Variants in TULP3 observed in about 807,000 individuals in gnomAD.
TULP3 encodes tubby-related protein 3.
TULP3 carries 38 observed loss-of-function variants against 50.7 expected under a neutral mutation model. The ratio of observed to expected loss-of-function variants is 0.75; its 90% confidence interval spans 0.58 to 0.98. TULP3 has a LOEUF of 0.98. TULP3 is among the 50% of genes least tolerant of loss of function. TULP3 has a pLI of 0.00. For synonymous variants in TULP3, 183 were observed against 196.6 expected (o/e 0.93, Z 0.58); for missense variants, 550 against 568.0 (o/e 0.97, Z 0.32).
In TULP3 at chr12:2,938,141, C is replaced by A; in HGVS notation, c.1051C>A (p.Gln351Lys). ...CCATGACAGTTTGCTCTCAAGGTGGCAGAACAGAACTATGGAAAATCTGGT... is the reference window on the plus strand; with the variant it reads ...CCATGACAGTTTGCTCTCAAGGTGGAAGAACAGAACTATGGAAAATCTGGT... ...NNHDSLLSRW[Q>K]NRTMENLVEL... Residue 351 changes from glutamine (Q) to lysine (K), a missense_variant, in exon 10 of 11, where the codon CAG (glutamine) becomes AAG (lysine). By Grantham distance (53) the Gln-to-Lys change is moderately conservative. Coordinates refer to ENST00000448120, the MANE Select transcript of TULP3 (RefSeq NM_003324.5). 6.2e-7 allele frequency: 1 copy of A among 1,614,122 alleles called. No individual in the cohort carries two copies. Among genetic ancestry groups the A allele is most frequent in the Non-Finnish European group, 8.5e-7 (1 of 1,180,018 alleles).
At chr12:2,920,479 G>A (rs2098191004) in intron 2 of TULP3, among the ~76,000 whole-genome samples, 1 of 151,854 alleles carries the variant, frequency 6.6e-6, no homozygotes, top group Non-Finnish European at 1.5e-5. Context: ...ACTGCACTCA[G>A]CCTGGGCAAC....
intron 4 of TULP3, among the ~76,000 whole-genome samples, chr12:2,925,465 A>G (rs2098194179): frequency 6.6e-6 from 1 of 152,210 alleles, no homozygotes; most frequent in African/African-American, 2.4e-5. Flanking sequence ...ATTCCGCTGA[A>G]CAAAGAAGGA....
chr12:2,916,436 T>C (rs980902334), intron 2 of TULP3, among the ~76,000 whole-genome samples: 1 of 152,240 alleles, frequency 6.6e-6, no homozygotes, highest in African/African-American at 2.4e-5. Flanking sequence ...CACTAAATTC[T>C]TGGGAAGATA....
chr12:2,909,498 A>G, intron 1 of TULP3, 31 bp from the exon 2 acceptor site: 2 of 1,550,448 alleles, frequency 1.3e-6, no homozygotes, highest in South Asian at 1.2e-5. Flanking sequence ...TTCTTTTTAT[A>G]TACTTGCTTT....
intron 2 of TULP3, 118 bp from the exon 3 acceptor site, chr12:2,920,645 G>A (rs1945790868): frequency 1.5e-6 from 2 of 1,302,850 alleles, no homozygotes; most frequent in African/African-American, 1.5e-5. Flanking sequence ...CTTAAATGGG[G>A]AAAAAATAAT....
intron 2 of TULP3, among the ~76,000 whole-genome samples, chr12:2,916,965 C>T (rs922940651): frequency 6.6e-6 from 1 of 152,208 alleles, no homozygotes; most frequent in South Asian, 2.1e-4. Context: ...CCCCAGATAC[C>T]TTGGCAGGAA....
At chr12:2,903,081 C>T (rs528073631) in intron 1 of TULP3, among the ~76,000 whole-genome samples, 20 of 151,528 alleles carry the variant, frequency 1.3e-4, no homozygotes, top group African/African-American at 4.4e-4. Context: ...AGGCTGGTCT[C>T]GAACTCCTGA....
intron 1 of TULP3, among the ~76,000 whole-genome samples, chr12:2,899,345 CAAAAAA>C (rs55818833): frequency 2.4e-5 from 2 of 82,832 alleles, no homozygotes; most frequent in Non-Finnish European, 4.8e-5. Flanking sequence ...AACGACGTCT[CAAAAAA>C]AAAAAAAAAA....
At chr12:2,936,957 A>G (rs2098201611) in intron 8 of TULP3, among the ~76,000 whole-genome samples, 1 of 150,286 alleles carries the variant, frequency 6.7e-6, no homozygotes, top group Non-Finnish European at 1.5e-5. Flanking sequence ...AATACAAAAA[A>G]TAATTAGCCA....
intron 1 of TULP3, among the ~76,000 whole-genome samples, chr12:2,900,604 T>TTC (rs2098178571): frequency 6.6e-6 from 1 of 151,244 alleles, no homozygotes; most frequent in African/African-American, 2.4e-5. Flanking sequence ...GAATAATACT[T>TTC]TTTTTTTTAA....
intron 4 of TULP3, among the ~76,000 whole-genome samples, chr12:2,926,575 T>A (rs370932947): frequency 6.0e-4 from 91 of 152,282 alleles, no homozygotes; most frequent in Middle Eastern, 6.8e-3. Context: ...TCTTTTGAGA[T>A]ATAAATTACA....
chr12:2,935,842 G>A lies in TULP3; in HGVS notation c.924+1281G>A, dbSNP rs115680263. On this transcript the variant is annotated intron_variant, in intron 8 of 10. Coordinates refer to ENST00000448120, the MANE Select transcript of TULP3 (RefSeq NM_003324.5). ...AAATTAGCCGGGCATGGTGGCAGTC[G>A]CTGGAGTCCCAGCTACTGGGGGCAC... 5.2e-3 allele frequency among the ~76,000 whole-genome samples: 787 copies of A among 152,050 alleles called. 5 individuals carry two copies. The highest frequency in any genetic ancestry group is 0.018 in the African/African-American group (729 of 41,480).
At chr12:2,914,154 T>A (rs1451938936) in intron 2 of TULP3, among the ~76,000 whole-genome samples, 1 of 149,024 alleles carries the variant, frequency 6.7e-6, no homozygotes, top group Non-Finnish European at 1.5e-5. Flanking sequence ...GACGGAGTTT[T>A]GCTCTTGTCG....
Position 2,939,991 on chromosome 12 carries a change from C to T in TULP3, c.*547C>T, listed in dbSNP as rs1201695926. 3.1e-6 allele frequency: 4 copies of T among 1,281,330 alleles called. No homozygotes were observed. The Admixed American group carries it at 9.2e-5, about 30-fold the overall frequency. The allele number at this position is 1,281,330 out of a possible 1,614,324, so 79.4% of individuals were successfully genotyped here. A position where few individuals can be genotyped will look rare whatever the true frequency, so the allele number is the denominator to read the frequency against. Reference sequence around the variant, plus strand: ...GCAGTAGAATCAGGGACTGACATCGCAGTTCCTCTCCTCTCTTCATTCCCT... The same window carrying T: ...GCAGTAGAATCAGGGACTGACATCGTAGTTCCTCTCCTCTCTTCATTCCCT... On this transcript the variant is annotated 3_prime_UTR_variant, in exon 11 of 11. Coordinates refer to ENST00000448120, the MANE Select transcript of TULP3 (RefSeq NM_003324.5). The surrounding 1 kb of genome is among the most constrained non-coding windows in gnomAD (Gnocchi z 4.0).
At chr12:2,930,881 T>C in intron 5 of TULP3, 156 bp from the exon 6 acceptor site, 2 of 783,968 alleles carry the variant, frequency 2.6e-6, no homozygotes, top group Non-Finnish European at 2.2e-6. Flanking sequence ...CTCTCAATAT[T>C]CATATACTTA....
chr12:2,930,304 T>C lies in TULP3; in HGVS notation c.451T>C (p.Cys151Arg), dbSNP rs764563348. ...EETDGISQSA[C>R]LERPNSASSQ... ...GACTGATGGAATATCCCAGTCAGCA[T>C]GTTTAGAAAGACCCAATTCTGCATC... The change falls in exon 5 of 11, where the codon TGT becomes CGT. Residue 151 changes from cysteine (C) to arginine (R), a missense_variant. Physicochemically the swap from Cys to Arg is radical, Grantham distance 180. Coordinates refer to ENST00000448120, the MANE Select transcript of TULP3 (RefSeq NM_003324.5). The C allele has an allele frequency of 7.4e-6, 12 of 1,612,958 alleles. No individual in the cohort carries two copies. Among genetic ancestry groups the C allele is most frequent in the Non-Finnish European group, 1.0e-5 (12 of 1,179,474 alleles).
intron 2 of TULP3, among the ~76,000 whole-genome samples, chr12:2,913,525 A>C (rs1565501197): frequency 6.6e-6 from 1 of 151,990 alleles, no homozygotes; most frequent in African/African-American, 2.4e-5. Flanking sequence ...CTGCCTCCCA[A>C]AGTGCTAGGA....
chr12:2,909,666 G>A, intron 2 of TULP3, 86 bp downstream of exon 2: 1 of 1,354,150 alleles, frequency 7.4e-7, no homozygotes, highest in Non-Finnish European at 1.0e-6. Flanking sequence ...CTTTGGCAGG[G>A]CTATGGAAAG....
rs571876360 is a variant in TULP3, at chr12:2,904,590, T to G, written c.42-4939T>G. Among the ~76,000 whole-genome samples the G allele has an allele frequency of 5.3e-5, 8 of 152,352 alleles. No individual in the cohort carries two copies. In the South Asian group the frequency reaches 1.0e-3, roughly 20 times the overall value. ...TATGGGCATTCTCCTCTGCCACGCT[T>G]GAGTGTTTCTGTGTTTCTTCAAGAT... is the stretch of plus-strand genomic sequence containing the variant. On this transcript the variant is annotated intron_variant, in intron 1 of 10. Coordinates refer to ENST00000448120, the MANE Select transcript of TULP3 (RefSeq NM_003324.5).
Sources: allele counts gnomAD v4.1 joint callset (sites outside exome capture counted in the v4.1 genomes callset), GRCh38; gene constraint gnomAD v4.1.1; non-coding constraint Gnocchi (gnomAD v3.1); transcripts MANE v1.5; gene names NCBI Gene and HGNC (gene_info 2026-07-23, HGNC 2026-07-21).